Variants in TSBP1 observed in about 807,000 individuals in gnomAD.
TSBP1 encodes testis-expressed basic protein 1.
Under a neutral mutation model 68.8 loss-of-function variants are expected in TSBP1, and 56 were observed. The observed-to-expected ratio is 0.81, with a 90% confidence interval of 0.66 to 1.02. The LOEUF is 1.02. TSBP1 is among the 50% of genes least tolerant of loss of function. TSBP1 has a pLI of 0.00. For synonymous variants in TSBP1, 171 were observed against 208.7 expected (o/e 0.82, Z 1.56); for missense variants, 502 against 641.2 (o/e 0.78, Z 2.34).
chr6:32,293,005 C>T (rs1196206092), exon 23 of TSBP1: 6 of 1,594,288 alleles, frequency 3.8e-6, no homozygotes, highest in Admixed American at 3.7e-5. Flanking sequence ...TTTTGTTGTA[C>T]TTCCTTCCTG....
At chr6:32,359,950 C>T (rs6904608) in intron 6 of TSBP1, among the ~76,000 whole-genome samples, 72,456 of 151,672 alleles carry the variant, frequency 0.48, 18,623 homozygotes, top group Middle Eastern at 0.59. Flanking sequence ...TTACAGTGTG[C>T]GATTCTAATA....
chr6:32,318,007 T>G (rs1045568552), intron 18 of TSBP1, among the ~76,000 whole-genome samples: 1 of 152,146 alleles, frequency 6.6e-6, no homozygotes, highest in African/African-American at 2.4e-5. Context: ...CACACGTGTG[T>G]TTATTGCAGC....
Position 32,336,745 on chromosome 6 carries a change from C to T in TSBP1, c.410-110G>A. The T allele has an allele frequency of 1.1e-6, 1 of 905,898 alleles. No homozygotes were observed. The highest frequency in any genetic ancestry group is 1.8e-6 in the Non-Finnish European group (1 of 560,322). 56.1% of individuals were successfully genotyped at this position (905,898 alleles called of 1,614,324 possible). ...CAATTCAACCAGAGGAGAACAACTA[C>T]TGTGGGACTGCAGATGATCTTAGCC... On this transcript the variant is annotated intron_variant, in intron 11 of 22. Coordinates refer to ENST00000612031, the Ensembl canonical transcript of TSBP1. The surrounding 1 kb of genome is among the most constrained non-coding windows in gnomAD (Gnocchi z 5.2).
rs1052187819 is a variant in TSBP1 at position 32,314,707 on chromosome 6, G to T, written c.580+1065C>A. On this transcript the variant is annotated intron_variant, in intron 19 of 22. Coordinates refer to ENST00000612031, the Ensembl canonical transcript of TSBP1. This position sits in a 1 kb window ranked among gnomAD's most constrained non-coding sequence, Gnocchi z 4.2. ...GAAATTAATAAAATGTTGTTATTAT[G>T]AAAACTATATCCAGAGTGTGTTTAG... Among the ~76,000 whole-genome samples, 1 of 152,196 alleles carries T rather than the reference G, an allele frequency of 6.6e-6. No individual in the cohort carries two copies. Among genetic ancestry groups the T allele is most frequent in the African/African-American group, 2.4e-5 (1 of 41,448 alleles).
At chr6:32,323,473 T>C in intron 17 of TSBP1, 118 bp downstream of exon 18, 2 of 950,626 alleles carry the variant, frequency 2.1e-6, no homozygotes, top group Non-Finnish European at 3.4e-6. Context: ...ACTGGAAGCT[T>C]TGAGTCAGGT....
At chr6:32,352,936 C>T (rs1771878562) in intron 8 of TSBP1, 1 of 151,560 alleles carries the variant, frequency 6.6e-6, no homozygotes, top group Admixed American at 6.6e-5. Context: ...ATTAGCGTGG[C>T]CCGTGTGTAA....
intron 2 of TSBP1, among the ~76,000 whole-genome samples, chr6:32,369,664 C>T (rs891580492): frequency 5.4e-5 from 8 of 148,420 alleles, no homozygotes; most frequent in African/African-American, 1.5e-4. Flanking sequence ...CCACCGCTCC[C>T]GGCCTGTGAC....
At chr6:32,350,999 A>G (rs1771649764) in intron 8 of TSBP1, among the ~76,000 whole-genome samples, 1 of 152,196 alleles carries the variant, frequency 6.6e-6, no homozygotes, top group African/African-American at 2.4e-5. Flanking sequence ...CTTGCTGACA[A>G]CCTGATTGTT....
chr6:32,301,739 G>T (rs1357040601), intron 20 of TSBP1, among the ~76,000 whole-genome samples: 1 of 150,372 alleles, frequency 6.7e-6, no homozygotes, highest in Non-Finnish European at 1.5e-5. Flanking sequence ...AGAATAATAA[G>T]AAAGCATGAA....
chr6:32,368,843 A>G, intron 2 of TSBP1, 29 bp from the exon 3 acceptor site: 2 of 1,583,106 alleles, frequency 1.3e-6, no homozygotes, highest in Non-Finnish European at 1.7e-6. Context: ...AAATGTTTTT[A>G]TTAGTTACTT....
chr6:32,293,035 C>T (rs764505509), exon 23 of TSBP1: 17 of 1,611,958 alleles, frequency 1.1e-5, no homozygotes, highest in Middle Eastern at 1.6e-4. Flanking sequence ...TCGCCCTTTT[C>T]GAGCCTTTTG....
At chr6:32,350,106 T>G in intron 8 of TSBP1, 1 of 584,668 alleles carries the variant, frequency 1.7e-6, no homozygotes, top group Non-Finnish European at 3.2e-6. Flanking sequence ...TGTTCTTTCC[T>G]TCTCTACCTT....
chr6:32,365,532 C>T lies in TSBP1; in HGVS notation c.217+635G>A, dbSNP rs1160608162. On this transcript the variant is annotated intron_variant, in intron 6 of 22. Transcript: ENST00000612031. This position sits in a 1 kb window ranked among gnomAD's most constrained non-coding sequence, Gnocchi z 4.3. ...AGTCTCTTTTCCCTGCTCCCAGCCT[C>T]TCCTAACCATTCAACTATGCTGATC... The T allele has an allele frequency of 8.8e-6, 4 of 456,514 alleles. No individual in the cohort carries two copies. Among genetic ancestry groups the T allele is most frequent in the Non-Finnish European group, 1.8e-5 (4 of 226,904 alleles). The allele number at this position is 456,514 out of a possible 1,614,324, so 28.3% of individuals were successfully genotyped here. A position where few individuals can be genotyped will look rare whatever the true frequency, so the allele number is the denominator to read the frequency against.
chr6:32,318,831 T>C (rs1335416304), intron 18 of TSBP1, among the ~76,000 whole-genome samples: 1 of 152,204 alleles, frequency 6.6e-6, no homozygotes, highest in East Asian at 1.9e-4. Flanking sequence ...CTAAAATTCA[T>C]TGTGGTGATG....
At chr6:32,350,155 G>A in intron 8 of TSBP1, 1 of 494,630 alleles carries the variant, frequency 2.0e-6, no homozygotes, top group Non-Finnish European at 3.9e-6. Flanking sequence ...TTTTCTTTCT[G>A]TTTTCCCTTT....
intron 18 of TSBP1, among the ~76,000 whole-genome samples, chr6:32,320,632 C>T (rs908723038): frequency 5.9e-5 from 9 of 151,840 alleles, no homozygotes; most frequent in African/African-American, 9.7e-5. Flanking sequence ...AAATCTTACC[C>T]ACCTTTTTTA....
chr6:32,327,918 A>G (rs1429579258), intron 16 of TSBP1, among the ~76,000 whole-genome samples: 1 of 151,300 alleles, frequency 6.6e-6, no homozygotes, highest in Non-Finnish European at 1.5e-5. Context: ...CAGCCTCCCA[A>G]GTACCTGGAA....
At chr6:32,344,456 AAG>A (rs1770742753) in intron 9 of TSBP1, among the ~76,000 whole-genome samples, 2 of 152,122 alleles carry the variant, frequency 1.3e-5, no homozygotes, top group South Asian at 4.2e-4. Flanking sequence ...CCTGCCTAGA[AAG>A]AGGTAAATAA....
intron 4 of TSBP1, among the ~76,000 whole-genome samples, chr6:32,367,265 A>AGAG (rs9281758): frequency 0.028 from 3,348 of 117,766 alleles, 91 homozygotes; most frequent in South Asian, 0.085. Flanking sequence ...GAGAGAGAGA[A>AGAG]AGAGAGAGAG....
Sources: allele counts gnomAD v4.1 joint callset (sites outside exome capture counted in the v4.1 genomes callset), GRCh38; gene constraint gnomAD v4.1.1; non-coding constraint Gnocchi (gnomAD v3.1); transcripts MANE v1.5; gene names NCBI Gene and HGNC (gene_info 2026-07-23, HGNC 2026-07-21).